SH3BP5L: variants seen among roughly 807,000 people sequenced by gnomAD.
SH3BP5L encodes SH3 binding domain protein 5 like.
Under a neutral mutation model 40.9 loss-of-function variants are expected in SH3BP5L, and 16 were observed. The observed-to-expected ratio is 0.39, with a 90% confidence interval of 0.27 to 0.59. The LOEUF is 0.59. Among genes scored for constraint, SH3BP5L ranks in the 20% least tolerant of loss-of-function variants. The probability of loss-of-function intolerance (pLI) is 0.53; values close to 1 mark genes in which losing one functional copy is unlikely to be tolerated. For missense variants in SH3BP5L, 471 were observed against 544.6 expected (o/e 0.86, Z 1.35); for synonymous variants, 229 against 226.7 (o/e 1.01, Z -0.09).
chr1:248,825,379 AAAGGCC>A lies in SH3BP5L; in HGVS notation c.-431-19_-431-14del. 1.0e-6 allele frequency: 1 copy of A among 994,320 alleles called. No individual in the cohort carries two copies. Among genetic ancestry groups the A allele is most frequent in the Non-Finnish European group, 1.2e-6 (1 of 835,440 alleles). 61.6% of individuals were successfully genotyped at this position (994,320 alleles called of 1,614,324 possible). ...CGTCTCTGGGGAGCTGCAGAGAAACAAAGGCCAAGTATATGGTCATGTCAGCATCAA... is the reference window on the plus strand; with the variant it reads ...CGTCTCTGGGGAGCTGCAGAGAAACAAAGTATATGGTCATGTCAGCATCAA... On this transcript the variant is annotated splice_polypyrimidine_tract_variant and intron_variant, in intron 1 of 6. Transcript: ENST00000366472.
rs1203532517 is a variant in SH3BP5L at position 248,811,757 on chromosome 1, C to T, written c.*143G>A. The T allele has an allele frequency of 1.5e-5, 10 of 651,292 alleles. No homozygotes were observed. Among genetic ancestry groups the T allele is most frequent in the Non-Finnish European group, 2.6e-5 (10 of 389,414 alleles). 40.3% of individuals were successfully genotyped at this position (651,292 alleles called of 1,614,324 possible). ...AACGCCAGGGCAGGCACAGAGGACTCGAACACAGCTGGCCTCTCCCAGGGA... is the reference window on the plus strand; with the variant it reads ...AACGCCAGGGCAGGCACAGAGGACTTGAACACAGCTGGCCTCTCCCAGGGA... On this transcript the variant is annotated 3_prime_UTR_variant, in exon 7 of 7. Transcript: ENST00000366472.
intron 4 of SH3BP5L, chr1:248,815,965 CA>C (rs1664094950): frequency 6.5e-6 from 1 of 154,774 alleles, no homozygotes; most frequent in Non-Finnish European, 1.4e-5. Flanking sequence ...CTGTATCTGT[CA>C]CCTCACCATA....
chr1:248,812,978 C>G lies in SH3BP5L; in HGVS notation c.711+11G>C. Reference sequence around the variant, plus strand: ...CTACCCATTCCTCCTCCCCCTCACCCACTCAGCTACCTCCAGGATCTGGCT... The same window carrying G: ...CTACCCATTCCTCCTCCCCCTCACCGACTCAGCTACCTCCAGGATCTGGCT... On this transcript the variant is annotated intron_variant, in intron 6 of 6. Transcript: ENST00000366472. This position sits in a 1 kb window ranked among gnomAD's most constrained non-coding sequence, Gnocchi z 6.1. 1 of 1,565,566 alleles carries G rather than the reference C, an allele frequency of 6.4e-7. No individual in the cohort carries two copies. The highest frequency in any genetic ancestry group is 8.7e-7 in the Non-Finnish European group (1 of 1,149,266).
rs1202916221 is a variant in SH3BP5L at position 248,810,852 on chromosome 1, G to GT, written c.*1047dup. On this transcript the variant is annotated 3_prime_UTR_variant, in exon 7 of 7. Coordinates refer to ENST00000366472, the MANE Select transcript of SH3BP5L (RefSeq NM_030645.3). Reference sequence around the variant, plus strand: ...CCAACCCCTCCCTGTAACAAAGGAAGTAAGAGGGTTGGCAGCCAAGCTTCA... The same window carrying GT: ...CCAACCCCTCCCTGTAACAAAGGAAGTTAAGAGGGTTGGCAGCCAAGCTTCA... 1 of 152,676 alleles carries GT rather than the reference G, an allele frequency of 6.5e-6. No individual in the cohort carries two copies. Among genetic ancestry groups the GT allele is most frequent in the East Asian group, 1.9e-4 (1 of 5,200 alleles). The allele number at this position is 152,676 out of a possible 1,614,324, so 9.5% of individuals were successfully genotyped here.
intron 2 of SH3BP5L, among the ~76,000 whole-genome samples, chr1:248,823,918 C>T (rs1323173069): frequency 6.6e-6 from 1 of 152,230 alleles, no homozygotes; most frequent in Non-Finnish European, 1.5e-5. Context: ...GAAGCTTCCT[C>T]AGGAAGTCAT....
chr1:248,811,852 C>G lies in SH3BP5L; in HGVS notation c.*48G>C, dbSNP rs1310708424. 3 of 1,360,086 alleles carry G rather than the reference C, an allele frequency of 2.2e-6. No individual in the cohort carries two copies. Among genetic ancestry groups the G allele is most frequent in the Non-Finnish European group, 3.0e-6 (3 of 1,012,332 alleles). 84.3% of individuals were successfully genotyped at this position (1,360,086 alleles called of 1,614,324 possible). A position where few individuals can be genotyped will look rare whatever the true frequency, so the allele number is the denominator to read the frequency against. On this transcript the variant is annotated 3_prime_UTR_variant, in exon 7 of 7. Coordinates refer to ENST00000366472, the MANE Select transcript of SH3BP5L (RefSeq NM_030645.3). ...GAGGGCGTGAGAAGACTGTGGGCCC[C>G]AACCGGCCCGTGGTGGCAGATTCAA... is the stretch of plus-strand genomic sequence containing the variant.
rs773269872 is a variant in SH3BP5L at position 248,813,032 on chromosome 1, C to T, written c.668G>A (p.Arg223His). ...CTGGGCCTTGAGCTCAAAGTAGGGG[C>T]GGCTCTTGCCGATGGCCCTCCGGAG... is the stretch of plus-strand genomic sequence containing the variant. ...KTLRRAIGKS[R>H]PYFELKAQFS... The change falls in exon 6 of 7, where the codon CGC (arginine) becomes CAC (histidine). Residue 223 changes from arginine (R) to histidine (H), a missense_variant. By Grantham distance (29) the Arg-to-His change is conservative. Around this residue, in one of 2 missense-constraint regions of SH3BP5L, gnomAD observed 275 missense variants for 370.1 expected, o/e 0.74. Transcript: ENST00000366472. 41 of 1,607,328 alleles carry T rather than the reference C, an allele frequency of 2.6e-5. 1 individual carries two copies. The South Asian group carries it at 2.7e-4, about 10-fold the overall frequency.
intron 4 of SH3BP5L, 134 bp from the exon 5 acceptor site, chr1:248,814,744 G>A: frequency 1.2e-6 from 1 of 826,754 alleles, no homozygotes; most frequent in Non-Finnish European, 2.0e-6. Context: ...AAACTGTGCT[G>A]AGGATAAATG....
intron 2 of SH3BP5L, among the ~76,000 whole-genome samples, chr1:248,822,947 AGCCACCAT>A (rs1466533163): frequency 6.6e-6 from 1 of 152,194 alleles, no homozygotes. Flanking sequence ...TACAGGTGTG[AGCCACCAT>A]GCCTGGCCGA....
rs1224528501 is a variant in SH3BP5L at position 248,821,503 on chromosome 1, T to A, written c.183+3250A>T. On this transcript the variant is annotated intron_variant, in intron 2 of 6. Transcript: ENST00000366472. The surrounding 1 kb of genome is among the most constrained non-coding windows in gnomAD (Gnocchi z 4.6). ...AGGGTGATGACTGTCCTGTGAAAGCTAAACCCATACTTCTAGATGAGGTCA... is the reference window on the plus strand; with the variant it reads ...AGGGTGATGACTGTCCTGTGAAAGCAAAACCCATACTTCTAGATGAGGTCA... Among the ~76,000 whole-genome samples, 1 of 152,056 alleles carries A rather than the reference T, an allele frequency of 6.6e-6. No homozygotes were observed. The highest frequency in any genetic ancestry group is 1.5e-5 in the Non-Finnish European group (1 of 68,008).
At chr1:248,820,552 G>A (rs979613291) in intron 2 of SH3BP5L, 3 of 152,176 alleles carry the variant, frequency 2.0e-5, no homozygotes, top group South Asian at 4.1e-4. Context: ...ACAACCAGGC[G>A]GAAAATTAGT....
In SH3BP5L at chr1:248,812,409, A is replaced by G; in HGVS notation, c.712-39T>C. The stretch of plus-strand genomic sequence containing the variant: ...AGCAGAGCAAGGCGACCCATGGGGC[A>G]CGTCTCCACCTTCCTCAGCACTCTG... On this transcript the variant is annotated intron_variant, in intron 6 of 6. Transcript: ENST00000366472. This position sits in a 1 kb window ranked among gnomAD's most constrained non-coding sequence, Gnocchi z 6.1. 1 of 1,518,310 alleles carries G rather than the reference A, an allele frequency of 6.6e-7. No homozygotes were observed. The highest frequency in any genetic ancestry group is 9.0e-7 in the Non-Finnish European group (1 of 1,108,776). The allele number at this position is 1,518,310 out of a possible 1,614,324, so 94.1% of individuals were successfully genotyped here.
chr1:248,812,463 G>A lies in SH3BP5L; in HGVS notation c.712-93C>T, dbSNP rs1265931294. On this transcript the variant is annotated intron_variant, in intron 6 of 6. Transcript: ENST00000366472. The surrounding 1 kb of genome is among the most constrained non-coding windows in gnomAD (Gnocchi z 6.1). Reference sequence around the variant, plus strand: ...TGAGGTCTGAGGGCCTGCTCTCCCAGAATACCTGGACAGCTGGCTCAGCAT... The same window carrying A: ...TGAGGTCTGAGGGCCTGCTCTCCCAAAATACCTGGACAGCTGGCTCAGCAT... The A allele has an allele frequency of 2.1e-5, 20 of 959,486 alleles. No individual in the cohort carries two copies. Among genetic ancestry groups the A allele is most frequent in the Non-Finnish European group, 3.2e-5 (20 of 631,362 alleles). The allele number at this position is 959,486 out of a possible 1,614,324, so 59.4% of individuals were successfully genotyped here. A position where few individuals can be genotyped will look rare whatever the true frequency, so the allele number is the denominator to read the frequency against.
intron 2 of SH3BP5L, among the ~76,000 whole-genome samples, chr1:248,817,835 A>C (rs1465850233): frequency 6.6e-6 from 1 of 152,154 alleles, no homozygotes; most frequent in Non-Finnish European, 1.5e-5. Flanking sequence ...CCTGGGCAAC[A>C]TAGCGAGACT....
chr1:248,819,163 T>C (rs1664187047), intron 2 of SH3BP5L, among the ~76,000 whole-genome samples: 1 of 152,176 alleles, frequency 6.6e-6, no homozygotes, highest in Non-Finnish European at 1.5e-5. Context: ...TGGTTTGACA[T>C]GTTAATTACA....
chr1:248,817,802 A>C (rs1664146813), intron 2 of SH3BP5L, among the ~76,000 whole-genome samples: 1 of 151,938 alleles, frequency 6.6e-6, no homozygotes, highest in African/African-American at 2.4e-5. Flanking sequence ...GCAGTGAGCC[A>C]AGATCACACT....
intron 2 of SH3BP5L, among the ~76,000 whole-genome samples, chr1:248,820,225 C>G (rs373086232): frequency 2.0e-5 from 3 of 152,168 alleles, no homozygotes; most frequent in South Asian, 2.1e-4. Context: ...TCTGGAAGAA[C>G]AGGCAGCCAA....
chr1:248,819,810 C>A (rs577456862), intron 2 of SH3BP5L, among the ~76,000 whole-genome samples: 14 of 151,812 alleles, frequency 9.2e-5, no homozygotes, highest in African/African-American at 3.4e-4. Context: ...GGGCTGCATG[C>A]GGCCCACAGG....
At position 248,814,806 on chromosome 1, in the gene SH3BP5L, G is replaced by T. The variant is rs1002739887; in HGVS notation, c.376-196C>A. On this transcript the variant is annotated intron_variant, in intron 4 of 6. Transcript: ENST00000366472. ...TATTTCATAAGGATATGGACTAGAA[G>T]AAATAAAAATTTTGCCAGTGGAGGG... The T allele has an allele frequency of 3.2e-5, 23 of 717,556 alleles. No homozygotes were observed. In the South Asian group the frequency reaches 3.3e-4, roughly 10 times the overall value. The allele number at this position is 717,556 out of a possible 1,614,324, so 44.4% of individuals were successfully genotyped here.
Sources: gnomAD v4.1 joint callset for allele counts (sites outside exome capture counted in the v4.1 genomes callset) on GRCh38, gnomAD v4.1.1 for gene constraint, gnomAD v4.1.1 regional missense constraint, Gnocchi (gnomAD v3.1) non-coding constraint, MANE v1.5 for transcripts, NCBI Gene and HGNC (gene_info 2026-07-23, HGNC 2026-07-21) for gene names.